The following SORCS2 variants were observed in gnomAD, a reference collection of about 807,000 sequenced individuals.
SORCS2 encodes the protein VPS10 domain-containing receptor SorCS2.
In SORCS2, 100 loss-of-function variants were observed where a neutral mutation model predicts 141.6. The observed-to-expected ratio is 0.71, with a 90% confidence interval of 0.60 to 0.83. The LOEUF (loss-of-function observed/expected upper bound fraction) is 0.83. Ranked by LOEUF, SORCS2 falls within the 40% of genes least tolerant of loss-of-function variation. SORCS2 has a pLI of 0.00. For missense variants in SORCS2, 1,646 were observed against 1,560.2 expected (o/e 1.05, Z -0.93); for synonymous variants, 789 against 676.9 (o/e 1.17, Z -2.57).
chr4:7,533,932 C>T (rs531733572), intron 3 of SORCS2, among the ~76,000 whole-genome samples: 25 of 151,886 alleles, frequency 1.6e-4, no homozygotes, highest in African/African-American at 5.8e-4. Flanking sequence ...AAGGCTGGGG[C>T]TGCGATGTGG....
chr4:7,549,957 C>T (rs1421235950), intron 3 of SORCS2, among the ~76,000 whole-genome samples: 1 of 152,186 alleles, frequency 6.6e-6, no homozygotes, highest in Non-Finnish European at 1.5e-5. Flanking sequence ...GAGATGAGTT[C>T]TCATATTTGC....
chr4:7,368,376 C>T (rs1051251000), intron 1 of SORCS2, among the ~76,000 whole-genome samples: 1 of 152,214 alleles, frequency 6.6e-6, no homozygotes, highest in Non-Finnish European at 1.5e-5. Flanking sequence ...ACCTCTCAAG[C>T]CCACCCTCCC....
At chr4:7,650,964 G>C (rs1273799320) in intron 4 of SORCS2, among the ~76,000 whole-genome samples, 1 of 152,106 alleles carries the variant, frequency 6.6e-6, no homozygotes, top group Non-Finnish European at 1.5e-5. Context: ...GAGAAATGCA[G>C]TGCGGACCGT....
chr4:7,369,545 G>C (rs1410471368), intron 1 of SORCS2, among the ~76,000 whole-genome samples: 1 of 152,184 alleles, frequency 6.6e-6, no homozygotes, highest in Non-Finnish European at 1.5e-5. Flanking sequence ...GCTTGACTTG[G>C]GGGCGTGTCT....
intron 2 of SORCS2, among the ~76,000 whole-genome samples, chr4:7,509,029 G>A (rs1357116578): frequency 1.3e-5 from 2 of 152,166 alleles, no homozygotes; most frequent in East Asian, 3.9e-4. Flanking sequence ...TCGGCACGGC[G>A]ACCTTTCGTG....
At chr4:7,383,787 C>T (rs1217749586) in intron 1 of SORCS2, among the ~76,000 whole-genome samples, 1 of 152,108 alleles carries the variant, frequency 6.6e-6, no homozygotes, top group Admixed American at 6.5e-5. Context: ...ATTTTACTTA[C>T]AGTGACTATT....
At chr4:7,397,049 G>A (rs1336428182) in intron 2 of SORCS2, among the ~76,000 whole-genome samples, 5 of 152,130 alleles carry the variant, frequency 3.3e-5, no homozygotes, top group Admixed American at 6.5e-5. Context: ...TCCATGTACC[G>A]ATTACCACCT....
intron 20 of SORCS2, among the ~76,000 whole-genome samples, chr4:7,726,568 T>A (rs145629398): frequency 6.6e-6 from 1 of 151,874 alleles, no homozygotes; most frequent in Admixed American, 6.6e-5. Flanking sequence ...AACAAGACTC[T>A]GTCTCAAAAT....
chr4:7,685,436 G>A (rs1219249448), intron 10 of SORCS2, among the ~76,000 whole-genome samples: 5 of 152,152 alleles, frequency 3.3e-5, no homozygotes, highest in Non-Finnish European at 4.4e-5. Flanking sequence ...ACTTTGGGAG[G>A]CCGAGGCAGG....
At position 7,543,853 on chromosome 4, in the gene SORCS2, C is replaced by T. The variant is rs111161946; in HGVS notation, c.648+12224C>T. 1.5e-3 allele frequency among the ~76,000 whole-genome samples: 206 copies of T among 135,306 alleles called. 4 individuals are homozygous for T. Among genetic ancestry groups the T allele is most frequent in the African/African-American group, 5.1e-3 (178 of 34,964 alleles). 88.8% of individuals were successfully genotyped at this position (135,306 alleles called of 152,430 possible). ...CTGTCCATCCATCCACTCATCCGTC[C>T]ATCCATCCACCCATCCATCCAGCCA... On this transcript the variant is annotated intron_variant, in intron 3 of 26. Coordinates refer to ENST00000507866, the MANE Select transcript of SORCS2 (RefSeq NM_020777.3).
chr4:7,413,390 G>GATTTTTTTTTTTT (rs1725450042), intron 2 of SORCS2, among the ~76,000 whole-genome samples: 1 of 48,932 alleles, frequency 2.0e-5, no homozygotes, highest in African/African-American at 5.7e-5. Flanking sequence ...TTTCACAGCT[G>GATTTTTTTTTTTT]CTTTTTTTTT....
intron 10 of SORCS2, among the ~76,000 whole-genome samples, chr4:7,685,306 G>A (rs1319947398): frequency 6.6e-6 from 1 of 152,140 alleles, no homozygotes; most frequent in Non-Finnish European, 1.5e-5. Context: ...GCAGGCATGT[G>A]GGAACCCGAC....
intron 3 of SORCS2, among the ~76,000 whole-genome samples, chr4:7,584,004 C>T (rs962795867): frequency 6.6e-6 from 1 of 152,208 alleles, no homozygotes; most frequent in African/African-American, 2.4e-5. Flanking sequence ...TGAATAAGAC[C>T]TGCTCCCAGA....
rs141093617 is a variant in SORCS2 at position 7,493,899 on chromosome 4, G to C, written c.549-37631G>C. 1.3e-3 allele frequency among the ~76,000 whole-genome samples: 199 copies of C among 152,310 alleles called. 1 individual carries two copies. The highest frequency in any genetic ancestry group is 3.7e-3 in the South Asian group (18 of 4,830). Reference sequence around the variant, plus strand: ...CGTGATACACCCTCGAAATAAACCAGGAAGTAAAAGTGTGTTAACACTGGG... The same window carrying C: ...CGTGATACACCCTCGAAATAAACCACGAAGTAAAAGTGTGTTAACACTGGG... On this transcript the variant is annotated intron_variant, in intron 2 of 26. Transcript: ENST00000507866.
At chr4:7,443,579 G>A (rs1577572284) in intron 2 of SORCS2, among the ~76,000 whole-genome samples, 1 of 152,214 alleles carries the variant, frequency 6.6e-6, no homozygotes. Flanking sequence ...ACATTTAGAA[G>A]CCGTGTCCTA....
At chr4:7,310,267 C>T (rs1718101716) in intron 1 of SORCS2, among the ~76,000 whole-genome samples, 1 of 152,138 alleles carries the variant, frequency 6.6e-6, no homozygotes. Context: ...TATCATCACC[C>T]CCATTTTAGA....
intron 10 of SORCS2, among the ~76,000 whole-genome samples, chr4:7,683,474 T>C (rs2108970279): frequency 6.6e-6 from 1 of 152,368 alleles, no homozygotes; most frequent in South Asian, 2.1e-4. Context: ...TAGGCTGGTC[T>C]CTGCTCTGCA....
At chr4:7,621,014 C>T (rs537978877) in intron 3 of SORCS2, among the ~76,000 whole-genome samples, 11 of 152,150 alleles carry the variant, frequency 7.2e-5, no homozygotes, top group East Asian at 5.8e-4. Flanking sequence ...CTGGCAGGCA[C>T]GGGGGGGTTG....
At chr4:7,279,020 C>A (rs777690699) in intron 1 of SORCS2, among the ~76,000 whole-genome samples, 4 of 152,162 alleles carry the variant, frequency 2.6e-5, no homozygotes, top group Non-Finnish European at 5.9e-5. Context: ...CACCATCTAC[C>A]CCTGCAAACG....
Sources: gnomAD v4.1 joint callset for allele counts (sites outside exome capture counted in the v4.1 genomes callset) on GRCh38, gnomAD v4.1.1 for gene constraint, MANE v1.5 for transcripts, NCBI Gene and HGNC (gene_info 2026-07-23, HGNC 2026-07-21) for gene names.